The following PPAN variants were observed in gnomAD, a reference collection of about 807,000 sequenced individuals.
PPAN encodes suppressor of SWI4 1 homolog.
In PPAN, 39 loss-of-function variants were observed where a neutral mutation model predicts 48.5. That is an observed-to-expected ratio of 0.80 (90% CI 0.62 to 1.05). The LOEUF (loss-of-function observed/expected upper bound fraction) is 1.05, where lower values mean the gene tolerates loss of function less well. Ranked by LOEUF, PPAN falls within the 50% of genes least tolerant of loss-of-function variation. The probability of loss-of-function intolerance (pLI) is 0.00; values close to 1 mark genes in which losing one functional copy is unlikely to be tolerated. For synonymous variants in PPAN, 315 were observed against 268.6 expected, an observed-to-expected ratio of 1.17 and a Z score of -1.69; for missense variants, 736 against 661.7, an observed-to-expected ratio of 1.11 and a Z score of -1.23.
chr19:10,110,556 A>C lies in PPAN; in HGVS notation c.973A>C (p.Arg325=). 6.2e-7 allele frequency: 1 copy of C among 1,607,624 alleles called. No individual in the cohort carries two copies. The highest frequency in any genetic ancestry group is 8.5e-7 in the Non-Finnish European group (1 of 1,177,930). The change falls in exon 10 of 12, where the codon AGG becomes CGG. Residue 325 remains arginine (R), a synonymous_variant. Coordinates refer to ENST00000253107, the MANE Select transcript of PPAN (RefSeq NM_020230.7). This position sits in a 1 kb window ranked among gnomAD's most constrained non-coding sequence, Gnocchi z 5.9. ...GAAGAAGCTGCGGCTGAAGGCGCAG[A>C]GGCAGGCCCAGCAGGCCCAGAATGT... ...KEKKLRLKAQ[R]QAQQAQNVQR... is the part of the protein sequence containing the mutation.
chr19:10,109,039 G>C (rs1435297920), intron 5 of PPAN, among the ~76,000 whole-genome samples: 1 of 146,298 alleles, frequency 6.8e-6, no homozygotes. Context: ...TCATCTCATT[G>C]CAAGCTCCGC....
chr19:10,106,557 T>C lies in PPAN; in HGVS notation c.75T>C (p.Tyr25=), dbSNP rs374860278. 1.8e-5 allele frequency: 28 copies of C among 1,553,660 alleles called. No individual in the cohort carries two copies. The highest frequency in any genetic ancestry group is 2.7e-5 in the African/African-American group (2 of 73,326). ...AQAQLRNLEA[Y]AANPHSFVFT... ...CGCAGCTCCGCAACCTCGAGGCCTA[T>C]GCCGCGAACCCGCACTCGTTCGTGT... The change falls in exon 2 of 12, where the codon TAT becomes TAC. Residue 25 remains tyrosine (Y), a synonymous_variant. Coordinates refer to ENST00000253107, the MANE Select transcript of PPAN (RefSeq NM_020230.7).
At position 10,110,529 on chromosome 19, in the gene PPAN, G is replaced by A; in HGVS notation, c.946G>A (p.Glu316Lys). Residue 316 changes from glutamate to lysine, a missense_variant, in exon 10 of 12, where the codon GAG (glutamate) becomes AAG (lysine). Glu to Lys is a moderately conservative substitution (Grantham distance 56). Coordinates refer to ENST00000253107, the MANE Select transcript of PPAN (RefSeq NM_020230.7). This position sits in a 1 kb window ranked among gnomAD's most constrained non-coding sequence, Gnocchi z 5.9. ...EELQAILEAK[E>K]KKLRLKAQRQ... ...GCTGCAGGCCATCCTGGAAGCCAAG[G>A]AGAAGAAGCTGCGGCTGAAGGCGCA... The A allele has an allele frequency of 1.2e-6, 2 of 1,612,310 alleles. No homozygotes were observed. Among genetic ancestry groups the A allele is most frequent in the Non-Finnish European group, 1.7e-6 (2 of 1,179,764 alleles).
rs1031433554 is a variant in PPAN, at chr19:10,107,567, C to T, written c.252C>T (p.His84=). 1.9e-6 allele frequency: 3 copies of T among 1,614,062 alleles called. No individual in the cohort carries two copies. Among genetic ancestry groups the T allele is most frequent in the African/African-American group, 2.7e-5 (2 of 74,926 alleles). The change falls in exon 3 of 12, where the codon CAC becomes CAT. Residue 84 remains histidine (H), a synonymous_variant. Coordinates refer to ENST00000253107, the MANE Select transcript of PPAN (RefSeq NM_020230.7). ...TGGCTGGGCCCCTCGGGGTCACACA[C>T]TTTCTGATCCTGAGCAAAACAGAGA... ...VAVAGPLGVT[H]FLILSKTETN... is the part of the protein sequence containing the mutation.
chr19:10,110,207 C>T lies in PPAN; in HGVS notation c.783C>T (p.Gly261=), dbSNP rs765400956. The part of the protein sequence containing the change: ...TELPQAVAGR[G]NMRAQQSAVR... Reference sequence around the variant, plus strand: ...TGCCTCAGGCTGTCGCTGGCCGTGGCAACATGCGGGCCCAGCAGAGTGCAG... The same window carrying T: ...TGCCTCAGGCTGTCGCTGGCCGTGGTAACATGCGGGCCCAGCAGAGTGCAG... The change falls in exon 8 of 12, where the codon GGC becomes GGT. Residue 261 remains glycine, a synonymous_variant. Coordinates refer to ENST00000253107, the MANE Select transcript of PPAN (RefSeq NM_020230.7). This position sits in a 1 kb window ranked among gnomAD's most constrained non-coding sequence, Gnocchi z 5.9. 6.2e-7 allele frequency: 1 copy of T among 1,611,236 alleles called. No individual in the cohort carries two copies. Among genetic ancestry groups the T allele is most frequent in the South Asian group, 1.1e-5 (1 of 91,060 alleles).
chr19:10,106,691 C>A lies in PPAN; in HGVS notation c.189+20C>A. The A allele has an allele frequency of 6.6e-7, 1 of 1,510,350 alleles. No homozygotes were observed. Among genetic ancestry groups the A allele is most frequent in the Non-Finnish European group, 8.9e-7 (1 of 1,123,126 alleles). The allele number at this position is 1,510,350 out of a possible 1,614,324, so 93.6% of individuals were successfully genotyped here. ...CTGCAGGTTTGTACCCCACCCCCAG[C>A]CCGCCTCCACCCACCCTCGGCCTAG... On this transcript the variant is annotated intron_variant, in intron 2 of 11. Transcript: ENST00000253107.
chr19:10,111,087 C>T lies in PPAN; in HGVS notation c.1344C>T (p.Ala448=). 1 of 1,612,640 alleles carries T rather than the reference C, an allele frequency of 6.2e-7. No individual in the cohort carries two copies. The highest frequency in any genetic ancestry group is 2.2e-5 in the East Asian group (1 of 44,844). ...AGGACAAGTCCCAGGGAGCCCAGGC[C>T]AGGCGGGGGCCCAGAGGGGCTTCCC... ...KTKDKSQGAQ[A]RRGPRGASRD... The change falls in exon 12 of 12, where the codon GCC becomes GCT. Residue 448 remains alanine, a synonymous_variant. Transcript: ENST00000253107.
rs760794906 is a variant in PPAN, at chr19:10,107,535, G to A, written c.220G>A (p.Val74Met). Residue 74 changes from valine to methionine, a missense_variant, in exon 3 of 12, where the codon GTG becomes ATG. Transcript: ENST00000253107. ...VRKKNSLKDC[V>M]AVAGPLGVTH... ...TAAGAAGAACTCGCTGAAGGACTGC[G>A]TGGCAGTGGCTGGGCCCCTCGGGGT... 6.2e-6 allele frequency: 10 copies of A among 1,614,040 alleles called. No homozygotes were observed. The highest frequency in any genetic ancestry group is 4.4e-5 in the South Asian group (4 of 91,074).
chr19:10,109,570 C>T (rs2088967057), intron 5 of PPAN, 61 bp from the exon 6 acceptor site: 8 of 1,528,436 alleles, frequency 5.2e-6, no homozygotes. Context: ...CCCCCAAAGC[C>T]CCCACTTCCC....
Position 10,110,079 on chromosome 19 carries a change from G to A in PPAN, c.699-44G>A. 6.2e-7 allele frequency: 1 copy of A among 1,609,862 alleles called. No homozygotes were observed. Among genetic ancestry groups the A allele is most frequent in the Non-Finnish European group, 8.5e-7 (1 of 1,177,848 alleles). On this transcript the variant is annotated intron_variant, in intron 7 of 11. Coordinates refer to ENST00000253107, the MANE Select transcript of PPAN (RefSeq NM_020230.7). The surrounding 1 kb of genome is among the most constrained non-coding windows in gnomAD (Gnocchi z 5.9). ...CCCGGGGACCCCAGAACAGGACCGGGAGCCTGAGCTCCCCCACTGAGCCCT... is the reference window on the plus strand; with the variant it reads ...CCCGGGGACCCCAGAACAGGACCGGAAGCCTGAGCTCCCCCACTGAGCCCT...
intron 5 of PPAN, among the ~76,000 whole-genome samples, 173 bp from the exon 6 acceptor site, chr19:10,109,457 CA>C (rs1490465635): frequency 6.6e-6 from 1 of 152,170 alleles, no homozygotes; most frequent in Non-Finnish European, 1.5e-5. Flanking sequence ...CTCCTGGGCT[CA>C]GGCAGTCCCA....
intron 6 of PPAN, 21 bp from the exon 7 acceptor site, chr19:10,109,892 C>T (rs777716393): frequency 1.4e-5 from 23 of 1,612,470 alleles, no homozygotes; most frequent in Admixed American, 6.7e-5. Flanking sequence ...ACCCCCTTGC[C>T]GTCCACTCAT....
At chr19:10,106,319 G>T (rs925061860), upstream of PPAN, 4 of 1,544,636 alleles carry the variant, frequency 2.6e-6, no homozygotes, top group African/African-American at 1.4e-5. Flanking sequence ...CGCCGTGCCG[G>T]CTCTCAGGCG....
chr19:10,109,361 A>T (rs1330556962), intron 5 of PPAN, among the ~76,000 whole-genome samples: 1 of 152,082 alleles, frequency 6.6e-6, no homozygotes, highest in Non-Finnish European at 1.5e-5. Context: ...CTGAGACTAC[A>T]GGCGTGCACC....
At position 10,108,643 on chromosome 19, in the gene PPAN, T is replaced by G. The variant is rs1390953908; in HGVS notation, c.513+509T>G. ...GGTGCATGCCTGTAGTACCAGCTAC[T>G]GGGGAGGCTGAGGTGGGAGGATCAC... On this transcript the variant is annotated intron_variant, in intron 5 of 11. Coordinates refer to ENST00000253107, the MANE Select transcript of PPAN (RefSeq NM_020230.7). 2.0e-5 allele frequency among the ~76,000 whole-genome samples: 3 copies of G among 150,562 alleles called. No individual in the cohort carries two copies. In the East Asian group the frequency reaches 6.0e-4, roughly 30 times the overall value.
Position 10,111,246 on chromosome 19 carries a change from A to G in PPAN, c.*81A>G, listed in dbSNP as rs1161426887. On this transcript the variant is annotated 3_prime_UTR_variant, in exon 12 of 12. Coordinates refer to ENST00000253107, the MANE Select transcript of PPAN (RefSeq NM_020230.7). ...ATGTGGCCCTCGGTTTCCTTTCATAAAGGAGTTGTGTCCCCAGCCCTTCCA... is the reference window on the plus strand; with the variant it reads ...ATGTGGCCCTCGGTTTCCTTTCATAGAGGAGTTGTGTCCCCAGCCCTTCCA... The G allele has an allele frequency of 1.7e-5, 24 of 1,395,498 alleles. No homozygotes were observed. The highest frequency in any genetic ancestry group is 7.5e-5 in the East Asian group (3 of 40,028). The allele number at this position is 1,395,498 out of a possible 1,614,324, so 86.4% of individuals were successfully genotyped here.
At chr19:10,107,632 C>T (rs1186543980) in intron 3 of PPAN, 26 bp downstream of exon 3, 1 of 1,612,580 alleles carries the variant, frequency 6.2e-7, no homozygotes, top group African/African-American at 1.3e-5. Context: ...CACCCTTCAT[C>T]TCCCCCAGAC....
intron 5 of PPAN, among the ~76,000 whole-genome samples, chr19:10,108,609 C>T (rs565403372): frequency 1.3e-5 from 2 of 152,026 alleles, no homozygotes; most frequent in Admixed American, 6.6e-5. Flanking sequence ...TTAAAAAGCC[C>T]GGTGTGGCGG....
chr19:10,108,863 C>T (rs1232292962), intron 5 of PPAN, among the ~76,000 whole-genome samples: 1 of 151,896 alleles, frequency 6.6e-6, no homozygotes, highest in Admixed American at 6.6e-5. Context: ...GCTCCTAATC[C>T]TTGTCACTAG....
Sources: gnomAD v4.1 joint callset for allele counts (sites outside exome capture counted in the v4.1 genomes callset) on GRCh38, gnomAD v4.1.1 for gene constraint, Gnocchi (gnomAD v3.1) non-coding constraint, MANE v1.5 for transcripts, NCBI Gene and HGNC (gene_info 2026-07-23, HGNC 2026-07-21) for gene names.